TRMT6: variants seen among roughly 807,000 people sequenced by gnomAD.
The protein encoded by TRMT6 is tRNA (adenine(58)-N(1))-methyltransferase non-catalytic subunit TRM6.
A neutral mutation model predicts 59.0 loss-of-function variants in TRMT6; 34 were observed. The observed-to-expected ratio is 0.58, with a 90% confidence interval of 0.44 to 0.77. TRMT6 has a LOEUF of 0.77. Ranked by LOEUF, TRMT6 falls within the 30% of genes least tolerant of loss-of-function variation. The probability of loss-of-function intolerance (pLI) is 0.00; values close to 1 mark genes in which losing one functional copy is unlikely to be tolerated. For synonymous variants in TRMT6, 217 were observed against 210.5 expected, an observed-to-expected ratio of 1.03 and a Z score of -0.27; for missense variants, 575 against 604.5, an observed-to-expected ratio of 0.95 and a Z score of 0.51.
intron 7 of TRMT6, 195 bp downstream of exon 7, chr20:5,942,233 A>G (rs2122601436): frequency 1.4e-6 from 1 of 719,602 alleles, no homozygotes; most frequent in Non-Finnish European, 2.3e-6. Context: ...TATCTATGCA[A>G]CGCTTCTGTA....
At chr20:5,943,922 T>G (rs759600125) in intron 5 of TRMT6, 26 bp downstream of exon 5, 32 of 1,592,252 alleles carry the variant, frequency 2.0e-5, no homozygotes, top group Non-Finnish European at 2.7e-5. Context: ...CCCCCAATTA[T>G]ACTTTTGAAA....
At position 5,938,741 on chromosome 20, in the gene TRMT6, A is replaced by C; in HGVS notation, c.1303-15T>G. ...TCTGGCAAAACCTAATCAAGACAGA[A>C]AAGACATTCATGCTTTCCTAAGACA... On this transcript the variant is annotated splice_polypyrimidine_tract_variant and intron_variant, in intron 10 of 10. Coordinates refer to ENST00000203001, the MANE Select transcript of TRMT6 (RefSeq NM_015939.5). The C allele has an allele frequency of 1.2e-6, 2 of 1,610,846 alleles. No homozygotes were observed. Among genetic ancestry groups the C allele is most frequent in the Non-Finnish European group, 1.7e-6 (2 of 1,178,112 alleles).
intron 1 of TRMT6, among the ~76,000 whole-genome samples, chr20:5,949,564 C>T (rs1049000667): frequency 3.3e-5 from 5 of 152,150 alleles, no homozygotes; most frequent in African/African-American, 1.2e-4. Context: ...AGTTCTGAGG[C>T]CTTGAGCAAA....
In TRMT6 at chr20:5,942,559, C is replaced by T; in HGVS notation, c.895G>A (p.Glu299Lys). ...GCCATGCTGTCTTCATTCTCTTGTTCAGAAGCCTGTTTTTCCTCCAGTGTG... is the reference window on the plus strand; with the variant it reads ...GCCATGCTGTCTTCATTCTCTTGTTTAGAAGCCTGTTTTTCCTCCAGTGTG... ...NGTLEEKQAS[E>K]QENEDSMAEA... The change falls in exon 7 of 11, where the codon GAA becomes AAA. Residue 299 changes from glutamate (E) to lysine (K), a missense_variant. Transcript: ENST00000203001. The T allele has an allele frequency of 5.0e-6, 8 of 1,614,096 alleles. No individual in the cohort carries two copies. Among genetic ancestry groups the T allele is most frequent in the Non-Finnish European group, 6.8e-6 (8 of 1,180,020 alleles).
In TRMT6 at chr20:5,937,572, T is replaced by C. The variant is rs1357803306; in HGVS notation, c.*963A>G. The C allele has an allele frequency of 2.0e-5, 3 of 152,238 alleles. No homozygotes were observed. The highest frequency in any genetic ancestry group is 1.3e-4 in the Admixed American group (2 of 15,282). The allele number at this position is 152,238 out of a possible 1,614,324, so 9.4% of individuals were successfully genotyped here. A position where few individuals can be genotyped will look rare whatever the true frequency, so the allele number is the denominator to read the frequency against. The stretch of plus-strand genomic sequence containing the variant: ...GCATTAATAATCAAGAAAGGCACTT[T>C]AGGGACATTTGACAAGGAATGACAC... On this transcript the variant is annotated 3_prime_UTR_variant, in exon 11 of 11. Coordinates refer to ENST00000203001, the MANE Select transcript of TRMT6 (RefSeq NM_015939.5).
At position 5,943,601 on chromosome 20, in the gene TRMT6, A is replaced by G; in HGVS notation, c.625T>C (p.Cys209Arg). 1 of 1,614,214 alleles carries G rather than the reference A, an allele frequency of 6.2e-7. No individual in the cohort carries two copies. The highest frequency in any genetic ancestry group is 8.5e-7 in the Non-Finnish European group (1 of 1,180,034). Residue 209 changes from cysteine (C) to arginine (R), a missense_variant, in exon 6 of 11, where the codon TGT (cysteine) becomes CGT (arginine). By Grantham distance (180) the Cys-to-Arg change is radical. Transcript: ENST00000203001. ...ATTGCACCCAGCACCAAGCCTGCACACGTTTCCATCACAATCATTTTGTTG... is the reference window on the plus strand; with the variant it reads ...ATTGCACCCAGCACCAAGCCTGCACGCGTTTCCATCACAATCATTTTGTTG... ...AGNKMIVMETCAGLVLGAMME... is the reference protein window; with the variant it reads ...AGNKMIVMETRAGLVLGAMME...
Position 5,938,444 on chromosome 20 carries a change from G to A in TRMT6, c.*91C>T. The A allele has an allele frequency of 7.8e-7, 1 of 1,284,696 alleles. No homozygotes were observed. Among genetic ancestry groups the A allele is most frequent in the Non-Finnish European group, 1.1e-6 (1 of 919,734 alleles). 79.6% of individuals were successfully genotyped at this position (1,284,696 alleles called of 1,614,324 possible). A position where few individuals can be genotyped will look rare whatever the true frequency, so the allele number is the denominator to read the frequency against. ...TACATAGACATGTTCTTATTCTTGG[G>A]ATATGAAAAAACAAGTAGTAATGGC... On this transcript the variant is annotated 3_prime_UTR_variant, in exon 11 of 11. Transcript: ENST00000203001.
At chr20:5,949,857 G>T (rs1480475481) in intron 1 of TRMT6, among the ~76,000 whole-genome samples, 1 of 152,170 alleles carries the variant, frequency 6.6e-6, no homozygotes, top group Non-Finnish European at 1.5e-5. Flanking sequence ...AGTGAAGAAA[G>T]GAGGGGGTGT....
chr20:5,941,814 T>TA (rs766636453), intron 8 of TRMT6, 137 bp downstream of exon 8: 28 of 752,830 alleles, frequency 3.7e-5, no homozygotes, highest in Non-Finnish European at 5.4e-5. Flanking sequence ...CTCCTTTCTT[T>TA]AAAAAAACCC....
intron 6 of TRMT6, among the ~76,000 whole-genome samples, chr20:5,943,288 G>A (rs1264912121): frequency 6.6e-6 from 1 of 152,160 alleles, no homozygotes; most frequent in Non-Finnish European, 1.5e-5. Context: ...TGTCCCGAAA[G>A]CCCTAGCCAG....
Position 5,941,033 on chromosome 20 carries a change from CT to C in TRMT6, c.1302+19del. On this transcript the variant is annotated intron_variant, in intron 10 of 10. Transcript: ENST00000203001. ...AGTCTCGGGAGGGCAGCTCTTGGGA[CT>C]GGCTGTAAGAACACGTACCTGATAA... 6.2e-7 allele frequency: 1 copy of C among 1,600,062 alleles called. No individual in the cohort carries two copies. The highest frequency in any genetic ancestry group is 8.6e-7 in the Non-Finnish European group (1 of 1,167,306).
intron 2 of TRMT6, among the ~76,000 whole-genome samples, chr20:5,945,900 A>G (rs537377574): frequency 3.9e-4 from 59 of 152,362 alleles, no homozygotes; most frequent in African/African-American, 1.4e-3. Context: ...CCTATGAGTC[A>G]TATCATAGAA....
Position 5,944,215 on chromosome 20 carries a change from G to T in TRMT6, c.405C>A (p.Phe135Leu). The change falls in exon 4 of 11, where the codon TTC becomes TTA. Residue 135 changes from phenylalanine to leucine, a missense_variant. Transcript: ENST00000203001. ...VQQLIENSTT[F>L]RDKTEFAQDK... ...CTTGGGCAAATTCTGTCTTGTCTCGGAATGTTGTACTATTTTCAATTAACT... is the reference window on the plus strand; with the variant it reads ...CTTGGGCAAATTCTGTCTTGTCTCGTAATGTTGTACTATTTTCAATTAACT... 2 of 1,569,830 alleles carry T rather than the reference G, an allele frequency of 1.3e-6. No individual in the cohort carries two copies. Among genetic ancestry groups the T allele is most frequent in the Non-Finnish European group, 8.6e-7 (1 of 1,157,958 alleles).
chr20:5,941,138 G>A lies in TRMT6; in HGVS notation c.1217C>T (p.Pro406Leu). 1 of 1,613,922 alleles carries A rather than the reference G, an allele frequency of 6.2e-7. No individual in the cohort carries two copies. Among genetic ancestry groups the A allele is most frequent in the Non-Finnish European group, 8.5e-7 (1 of 1,179,788 alleles). Residue 406 changes from proline (P) to leucine (L), a missense_variant and splice_region_variant, in exon 10 of 11, where the codon CCT becomes CTT. By Grantham distance (98) the Pro-to-Leu change is moderately conservative (BLOSUM62 -3). Coordinates refer to ENST00000203001, the MANE Select transcript of TRMT6 (RefSeq NM_015939.5). The stretch of plus-strand genomic sequence containing the variant: ...CAGTTTTGTGTAGCATTCCAACAGA[G>A]GCTGCAGACAACAACAGAATTCTGT... ...PFVVYCQYKE[P>L]LLECYTKLRE...
At chr20:5,947,388 C>T (rs2088717039) in intron 1 of TRMT6, among the ~76,000 whole-genome samples, 1 of 152,238 alleles carries the variant, frequency 6.6e-6, no homozygotes, top group Non-Finnish European at 1.5e-5. Flanking sequence ...TCCTTCTCTT[C>T]CTTTCTCTGT....
chr20:5,949,234 T>C (rs1600228031), intron 1 of TRMT6, among the ~76,000 whole-genome samples: 1 of 147,788 alleles, frequency 6.8e-6, no homozygotes, highest in African/African-American at 2.5e-5. Flanking sequence ...AGTGTGATGG[T>C]GCCAGAGTCC....
At chr20:5,943,820 G>C in intron 5 of TRMT6, 128 bp downstream of exon 5, 1 of 1,517,140 alleles carries the variant, frequency 6.6e-7, no homozygotes, top group South Asian at 1.3e-5. Flanking sequence ...ACAGTAAAAG[G>C]ACTTACAATT....
Position 5,941,350 on chromosome 20 carries a change from A to G in TRMT6, c.1113-5T>C. ...AAACGACTAGCTACAATTAAACTGTAAGGAAAATGCCAGACAAATTATTTC... is the reference window on the plus strand; with the variant it reads ...AAACGACTAGCTACAATTAAACTGTGAGGAAAATGCCAGACAAATTATTTC... On this transcript the variant is annotated splice_polypyrimidine_tract_variant and splice_region_variant and intron_variant, in intron 8 of 10. Transcript: ENST00000203001. 1 of 1,608,836 alleles carries G rather than the reference A, an allele frequency of 6.2e-7. No homozygotes were observed. The highest frequency in any genetic ancestry group is 8.5e-7 in the Non-Finnish European group (1 of 1,175,530).
At position 5,938,301 on chromosome 20, in the gene TRMT6, G is replaced by A. The variant is rs2088624740; in HGVS notation, c.*234C>T. ...ACAGAATATTTAGAAGTACTTAGAG[G>A]AGTTTTGTTAAATGCAGTTGGTCAT... is the stretch of plus-strand genomic sequence containing the variant. On this transcript the variant is annotated 3_prime_UTR_variant, in exon 11 of 11. Transcript: ENST00000203001. 3 of 430,490 alleles carry A rather than the reference G, an allele frequency of 7.0e-6. No homozygotes were observed. Among genetic ancestry groups the A allele is most frequent in the Non-Finnish European group, 1.2e-5 (3 of 241,706 alleles). 26.7% of individuals were successfully genotyped at this position (430,490 alleles called of 1,614,324 possible). A position where few individuals can be genotyped will look rare whatever the true frequency, so the allele number is the denominator to read the frequency against.
Sources: allele counts gnomAD v4.1 joint callset (sites outside exome capture counted in the v4.1 genomes callset), GRCh38; gene constraint gnomAD v4.1.1; transcripts MANE v1.5; gene names NCBI Gene and HGNC (gene_info 2026-07-23, HGNC 2026-07-21).